Variants in PDE2A observed in about 807,000 individuals in gnomAD.
PDE2A encodes the protein cGMP-dependent 3',5'-cyclic phosphodiesterase.
PDE2A carries 53 observed loss-of-function variants against 133.6 expected under a neutral mutation model. That is an observed-to-expected ratio of 0.40 (90% CI 0.32 to 0.50). The LOEUF (loss-of-function observed/expected upper bound fraction) is 0.50. Among genes scored for constraint, PDE2A ranks in the 20% least tolerant of loss-of-function variants. PDE2A has a pLI of 0.73. For missense variants in PDE2A, 796 were observed against 1,232.4 expected, an observed-to-expected ratio of 0.65 and a Z score of 5.30; for synonymous variants, 491 against 490.2, an observed-to-expected ratio of 1.00 and a Z score of -0.02.
chr11:72,666,711 C>T (rs557425080), intron 1 of PDE2A, among the ~76,000 whole-genome samples: 3 of 152,300 alleles, frequency 2.0e-5, no homozygotes, highest in East Asian at 1.9e-4. Flanking sequence ...AACACACATA[C>T]GGTTTCACTA....
chr11:72,643,559 T>TC (rs977629637), intron 1 of PDE2A: 12 of 151,834 alleles, frequency 7.9e-5, no homozygotes, highest in Admixed American at 2.0e-4. Flanking sequence ...CTGACCTGAA[T>TC]CCCCCCGTCA....
chr11:72,615,724 C>T (rs1344541380), intron 2 of PDE2A, among the ~76,000 whole-genome samples: 1 of 152,200 alleles, frequency 6.6e-6, no homozygotes, highest in Non-Finnish European at 1.5e-5. Context: ...CCTCTCCATG[C>T]CATCACAGTC....
intron 2 of PDE2A, among the ~76,000 whole-genome samples, chr11:72,624,967 CCCA>C: frequency 1.3e-5 from 2 of 152,364 alleles, no homozygotes; most frequent in South Asian, 4.1e-4. Flanking sequence ...CACCCTGGGT[CCCA>C]CAAGCTTGGC....
intron 13 of PDE2A, 46 bp downstream of exon 13, chr11:72,588,738 C>G: frequency 6.4e-7 from 1 of 1,551,264 alleles, no homozygotes; most frequent in Non-Finnish European, 8.8e-7. Context: ...CCCTAGCCAG[C>G]CTCTCAGTGA....
intron 2 of PDE2A, among the ~76,000 whole-genome samples, chr11:72,610,357 C>T (rs1436695949): frequency 6.6e-6 from 1 of 152,178 alleles, no homozygotes; most frequent in Non-Finnish European, 1.5e-5. Flanking sequence ...AGGAAGTGAG[C>T]TTCCCATCCT....
At position 72,590,465 on chromosome 11, in the gene PDE2A, G is replaced by A. The variant is rs1232442301; in HGVS notation, c.665C>T (p.Ala222Val). 6.5e-7 allele frequency: 1 copy of A among 1,541,828 alleles called. No homozygotes were observed. The highest frequency in any genetic ancestry group is 1.2e-5 in the South Asian group (1 of 80,320). ...GTAEDQKGGAAYTDRDRKILQ... is the reference protein window; with the variant it reads ...GTAEDQKGGAVYTDRDRKILQ... ...GATCTTGCGGTCGCGGTCGGTGTAC[G>A]CCGCCCCGCCCTTCTGGTCTTCCGC... Residue 222 changes from alanine (A) to valine (V), a missense_variant, in exon 8 of 31, where the codon GCG (alanine) becomes GTG (valine). This residue lies in a region of PDE2A where 417 missense variants were observed against 475.3 expected (regional missense o/e 0.88). Coordinates refer to ENST00000334456, the MANE Select transcript of PDE2A (RefSeq NM_002599.5). The surrounding 1 kb of genome is among the most constrained non-coding windows in gnomAD (Gnocchi z 4.8).
chr11:72,579,461 C>T, intron 26 of PDE2A, 73 bp downstream of exon 26: 1 of 1,558,200 alleles, frequency 6.4e-7, no homozygotes, highest in South Asian at 1.1e-5. Flanking sequence ...GCCTCCACTC[C>T]TTGGCTCCTT....
chr11:72,654,368 T>G (rs342326), intron 1 of PDE2A, among the ~76,000 whole-genome samples: 1 of 152,174 alleles, frequency 6.6e-6, no homozygotes, highest in South Asian at 2.1e-4. Flanking sequence ...CCCTAACCTC[T>G]GCCAGCCAGC....
chr11:72,590,560 C>T lies in PDE2A; in HGVS notation c.570G>A (p.Arg190=), dbSNP rs1565155780. 7.2e-7 allele frequency: 1 copy of T among 1,395,154 alleles called. No homozygotes were observed. Among genetic ancestry groups the T allele is most frequent in the Non-Finnish European group, 9.3e-7 (1 of 1,080,194 alleles). The allele number at this position is 1,395,154 out of a possible 1,614,324, so 86.4% of individuals were successfully genotyped here. A position where few individuals can be genotyped will look rare whatever the true frequency, so the allele number is the denominator to read the frequency against. ...VEKHTLVALR[R]VQVLQQRGPR... ...GCCCGCGCTGCTGCAGGACCTGCAC[C>T]CTCCGCAGGGCGACCAGGGTCTGGG... Residue 190 remains arginine (R), a synonymous_variant, in exon 8 of 31, where the codon AGG becomes AGA. Coordinates refer to ENST00000334456, the MANE Select transcript of PDE2A (RefSeq NM_002599.5). This position sits in a 1 kb window ranked among gnomAD's most constrained non-coding sequence, Gnocchi z 4.8.
At position 72,577,304 on chromosome 11, in the gene PDE2A, G is replaced by T; in HGVS notation, c.*80C>A. The T allele has an allele frequency of 9.2e-7, 1 of 1,084,276 alleles. No individual in the cohort carries two copies. Among genetic ancestry groups the T allele is most frequent in the Non-Finnish European group, 1.4e-6 (1 of 730,216 alleles). 67.2% of individuals were successfully genotyped at this position (1,084,276 alleles called of 1,614,324 possible). A position where few individuals can be genotyped will look rare whatever the true frequency, so the allele number is the denominator to read the frequency against. On this transcript the variant is annotated 3_prime_UTR_variant, in exon 31 of 31. Coordinates refer to ENST00000334456, the MANE Select transcript of PDE2A (RefSeq NM_002599.5). ...CCTGGTCTAGGACCCAGGACCCGTG[G>T]CTCTGTTCCCAGTGCATCTGGCCAG...
At chr11:72,583,891 C>G (rs1298800247) in intron 19 of PDE2A, among the ~76,000 whole-genome samples, 1 of 152,200 alleles carries the variant, frequency 6.6e-6, no homozygotes, top group Admixed American at 6.5e-5. Context: ...AGACCCAGCA[C>G]TTCCAAAAAA....
intron 16 of PDE2A, 49 bp downstream of exon 16, chr11:72,585,322 C>T: frequency 6.6e-7 from 1 of 1,515,976 alleles, no homozygotes; most frequent in Non-Finnish European, 9.1e-7. Flanking sequence ...ATGATGGGGA[C>T]TGAAGGCCAC....
chr11:72,581,536 C>A, intron 22 of PDE2A, 57 bp from the exon 23 acceptor site: 1 of 1,528,544 alleles, frequency 6.5e-7, no homozygotes, highest in Non-Finnish European at 8.8e-7. Context: ...CCATCACGGC[C>A]CCATGATGGC....
At chr11:72,620,922 C>G (rs565052256) in intron 2 of PDE2A, among the ~76,000 whole-genome samples, 1 of 152,030 alleles carries the variant, frequency 6.6e-6, no homozygotes, top group East Asian at 1.9e-4. Flanking sequence ...ACTCAGCGCA[C>G]CTTCACTGTG....
intron 1 of PDE2A, among the ~76,000 whole-genome samples, chr11:72,667,483 G>GAA (rs1311623929): frequency 2.0e-5 from 3 of 152,096 alleles, no homozygotes; most frequent in Admixed American, 6.5e-5. Context: ...TTTCAGCAGG[G>GAA]CCCTCATGTC....
chr11:72,642,270 C>A lies in PDE2A; in HGVS notation c.128G>T (p.Cys43Phe). The A allele has an allele frequency of 6.5e-7, 1 of 1,546,164 alleles. No individual in the cohort carries two copies. The highest frequency in any genetic ancestry group is 8.7e-7 in the Non-Finnish European group (1 of 1,149,156). Residue 43 changes from cysteine to phenylalanine, a missense_variant, in exon 2 of 31, where the codon TGC becomes TTC. Cys to Phe is a radical substitution (Grantham distance 205). Around this residue, in one of 7 missense-constraint regions of PDE2A, gnomAD observed 417 missense variants for 475.3 expected, o/e 0.88. Coordinates refer to ENST00000334456, the MANE Select transcript of PDE2A (RefSeq NM_002599.5). ...PDEPPPPPQP[C>F]ADSLQDALLS... ...CCCCCCTACCTGCAGGCTGTCGGCGCATGGCTGCGGCGGCGGCGGCGGCTC... is the reference window on the plus strand; with the variant it reads ...CCCCCCTACCTGCAGGCTGTCGGCGAATGGCTGCGGCGGCGGCGGCGGCTC...
intron 2 of PDE2A, among the ~76,000 whole-genome samples, chr11:72,622,522 G>T (rs1383186565): frequency 6.6e-6 from 1 of 152,224 alleles, no homozygotes; most frequent in Non-Finnish European, 1.5e-5. Flanking sequence ...AAAAAGGAAG[G>T]AAATCCTGTC....
chr11:72,648,751 A>T (rs1314029822), intron 1 of PDE2A, among the ~76,000 whole-genome samples: 1 of 152,054 alleles, frequency 6.6e-6, no homozygotes, highest in Non-Finnish European at 1.5e-5. Flanking sequence ...CACAGACCCC[A>T]AGATCCTTCC....
At chr11:72,585,509 C>T in intron 15 of PDE2A, 45 bp downstream of exon 15, 1 of 1,612,214 alleles carries the variant, frequency 6.2e-7, no homozygotes, top group Non-Finnish European at 8.5e-7. Flanking sequence ...CAAATGCCAG[C>T]CCCCATGCCC....
Sources: allele counts gnomAD v4.1 joint callset (sites outside exome capture counted in the v4.1 genomes callset), GRCh38; gene constraint gnomAD v4.1.1; regional missense constraint gnomAD v4.1.1; non-coding constraint Gnocchi (gnomAD v3.1); transcripts MANE v1.5; gene names NCBI Gene and HGNC (gene_info 2026-07-23, HGNC 2026-07-21).